Variants in MAML2 observed in about 807,000 individuals in gnomAD.
MAML2 encodes the protein mastermind-like protein 2.
MAML2 carries 22 observed loss-of-function variants against 96.1 expected under a neutral mutation model. That is an observed-to-expected ratio of 0.23 (90% CI 0.16 to 0.33). The LOEUF (loss-of-function observed/expected upper bound fraction) is 0.33. MAML2 is among the 10% of genes least tolerant of loss of function. The probability of loss-of-function intolerance (pLI) is 1.00; values close to 1 mark genes in which losing one functional copy is unlikely to be tolerated. For synonymous variants in MAML2, 561 were observed against 521.3 expected (o/e 1.08, Z -1.04); for missense variants, 1,367 against 1,392.4 (o/e 0.98, Z 0.29).
chr11:96,318,478 T>C (rs757448517), intron 1 of MAML2, among the ~76,000 whole-genome samples: 9 of 152,216 alleles, frequency 5.9e-5, no homozygotes, highest in Non-Finnish European at 8.8e-5. Flanking sequence ...AGAGAGTTTA[T>C]ATTGTTGCTA....
intron 1 of MAML2, among the ~76,000 whole-genome samples, chr11:96,108,378 C>T (rs753257865): frequency 5.9e-5 from 9 of 152,168 alleles, no homozygotes; most frequent in Non-Finnish European, 7.3e-5. Flanking sequence ...CCATAGAACA[C>T]AGCATGCAGC....
chr11:96,070,374 G>A (rs1202707934), intron 2 of MAML2, among the ~76,000 whole-genome samples: 7 of 152,258 alleles, frequency 4.6e-5, no homozygotes, highest in Non-Finnish European at 8.8e-5. Context: ...CATTGCAGGT[G>A]AAGAGAAGGA....
intron 1 of MAML2, among the ~76,000 whole-genome samples, chr11:96,095,211 C>T (rs531801938): frequency 4.3e-4 from 65 of 152,126 alleles, no homozygotes; most frequent in African/African-American, 1.6e-3. Flanking sequence ...GGGCCAGGGG[C>T]AGTAACTACA....
At chr11:96,122,109 C>T (rs1046396275) in intron 1 of MAML2, among the ~76,000 whole-genome samples, 2 of 151,690 alleles carry the variant, frequency 1.3e-5, no homozygotes, top group Non-Finnish European at 2.9e-5. Flanking sequence ...CCCGCCCGGC[C>T]CCTGTCTGCT....
intron 1 of MAML2, among the ~76,000 whole-genome samples, chr11:96,247,993 A>G (rs1175941437): frequency 6.6e-6 from 1 of 152,168 alleles, no homozygotes; most frequent in Non-Finnish European, 1.5e-5. Flanking sequence ...TGTAAAATGT[A>G]CTGGATTTTG....
At chr11:95,996,437 C>A (rs1857992023) in intron 2 of MAML2, among the ~76,000 whole-genome samples, 2 of 152,050 alleles carry the variant, frequency 1.3e-5, no homozygotes, top group Admixed American at 1.3e-4. Context: ...TTCACGGTAC[C>A]AAAAGATACT....
chr11:96,070,265 G>A (rs1383227484), intron 2 of MAML2, among the ~76,000 whole-genome samples: 2 of 151,980 alleles, frequency 1.3e-5, no homozygotes, highest in Non-Finnish European at 2.9e-5. Context: ...ACTCCAGCCT[G>A]GGCGACACAG....
chr11:96,160,276 G>T (rs505032), intron 1 of MAML2, among the ~76,000 whole-genome samples: 124,209 of 152,148 alleles, frequency 0.82, 51,765 homozygotes, highest in East Asian at 0.97. Flanking sequence ...CTCCTATTTC[G>T]TCTCTTCCCT....
chr11:96,088,882 C>T (rs1202966345), intron 2 of MAML2, among the ~76,000 whole-genome samples: 1 of 152,082 alleles, frequency 6.6e-6, no homozygotes, highest in African/African-American at 2.4e-5. Flanking sequence ...AGAGTTCCGA[C>T]AGGTAAAGGG....
intron 1 of MAML2, among the ~76,000 whole-genome samples, chr11:96,158,671 G>T (rs775897932): frequency 6.6e-6 from 1 of 152,208 alleles, no homozygotes; most frequent in Non-Finnish European, 1.5e-5. Context: ...TCAAGACTGA[G>T]ACTACCATGT....
At chr11:96,227,989 C>A (rs184065029) in intron 1 of MAML2, among the ~76,000 whole-genome samples, 1 of 152,278 alleles carries the variant, frequency 6.6e-6, no homozygotes, top group East Asian at 1.9e-4. Context: ...GTAGTCCCAG[C>A]CACTCGGGGG....
chr11:96,236,111 CT>C (rs1332337190), intron 1 of MAML2, among the ~76,000 whole-genome samples: 1 of 152,182 alleles, frequency 6.6e-6, no homozygotes, highest in Non-Finnish European at 1.5e-5. Flanking sequence ...AAAGGCGAAA[CT>C]TTCTTTTTTC....
At chr11:96,267,982 G>A (rs1862854540) in intron 1 of MAML2, among the ~76,000 whole-genome samples, 1 of 152,182 alleles carries the variant, frequency 6.6e-6, no homozygotes, top group South Asian at 2.1e-4. Context: ...GAAACAATTT[G>A]AAATGTGATT....
intron 3 of MAML2, among the ~76,000 whole-genome samples, chr11:95,989,933 AT>A (rs1161341354): frequency 2.0e-5 from 3 of 152,174 alleles, no homozygotes; most frequent in Non-Finnish European, 4.4e-5. Context: ...GGCATTAAAT[AT>A]TTCATAATGC....
At position 95,985,657 on chromosome 11, in the gene MAML2, T is replaced by C; in HGVS notation, c.2344-15A>G. On this transcript the variant is annotated splice_polypyrimidine_tract_variant and intron_variant, in intron 3 of 4. Coordinates refer to ENST00000524717, the MANE Select transcript of MAML2 (RefSeq NM_032427.4). The stretch of plus-strand genomic sequence containing the variant: ...GCAATTTTCTCCTTGAGAAATGATA[T>C]GAAAGCATATTATGTTGCATCATTC... The C allele has an allele frequency of 6.7e-7, 1 of 1,503,288 alleles. No individual in the cohort carries two copies. The allele number at this position is 1,503,288 out of a possible 1,614,324, so 93.1% of individuals were successfully genotyped here.
intron 1 of MAML2, among the ~76,000 whole-genome samples, chr11:96,319,782 T>C (rs1415125434): frequency 6.6e-6 from 1 of 152,242 alleles, no homozygotes; most frequent in Admixed American, 6.5e-5. Flanking sequence ...ATTTTGATTC[T>C]AGTTTAATTT....
chr11:96,186,086 C>T (rs995495348), intron 1 of MAML2, among the ~76,000 whole-genome samples: 1 of 152,190 alleles, frequency 6.6e-6, no homozygotes, highest in South Asian at 2.1e-4. Flanking sequence ...TTCTCCCATT[C>T]TGATAGACAG....
intron 4 of MAML2, among the ~76,000 whole-genome samples, chr11:95,983,782 A>G (rs1857781868): frequency 6.6e-6 from 1 of 152,218 alleles, no homozygotes; most frequent in Admixed American, 6.5e-5. Context: ...CAGCTGTACA[A>G]TGTGATTGTA....
intron 2 of MAML2, among the ~76,000 whole-genome samples, chr11:96,075,927 A>C (rs1315463091): frequency 6.6e-6 from 1 of 152,210 alleles, no homozygotes; most frequent in East Asian, 1.9e-4. Context: ...TGGCCTTGCT[A>C]TGTGACATTC....
Sources: allele counts gnomAD v4.1 joint callset (sites outside exome capture counted in the v4.1 genomes callset), GRCh38; gene constraint gnomAD v4.1.1; transcripts MANE v1.5; gene names NCBI Gene and HGNC (gene_info 2026-07-23, HGNC 2026-07-21).